The following ARB2A variants were observed in gnomAD, a reference collection of about 807,000 sequenced individuals.
ARB2A encodes cotranscriptional regulator ARB2A.
chr5:93,948,230 T>C, the ARB2A span, among the ~76,000 whole-genome samples: 1 of 152,342 alleles, frequency 6.6e-6, no homozygotes, highest in African/African-American at 2.4e-5. Flanking sequence ...TGGTATCTCA[T>C]TGTGGTTTTG....
chr5:93,750,872 AAGG>A, the ARB2A span, among the ~76,000 whole-genome samples: 9 of 152,252 alleles, frequency 5.9e-5, no homozygotes, highest in Admixed American at 1.3e-4. Flanking sequence ...GGAAACTGAG[AAGG>A]AGAAGTTTAG....
chr5:94,024,050 A>G, the ARB2A span, among the ~76,000 whole-genome samples: 4 of 152,184 alleles, frequency 2.6e-5, no homozygotes, highest in African/African-American at 9.7e-5. Context: ...AAGACTTGTG[A>G]GGTCTTATGG....
chr5:93,618,642 A>G, the ARB2A span: 1 of 152,184 alleles, frequency 6.6e-6, no homozygotes, highest in South Asian at 2.1e-4. Flanking sequence ...AAAGAATCTG[A>G]TCACTTATCA....
At chr5:93,780,012 G>A in the ARB2A span, among the ~76,000 whole-genome samples, 2 of 152,174 alleles carry the variant, frequency 1.3e-5, no homozygotes, top group Admixed American at 6.5e-5. Flanking sequence ...TATATTTAAA[G>A]AGAAAAGCAG....
the ARB2A span, among the ~76,000 whole-genome samples, chr5:93,622,250 T>C: frequency 6.6e-6 from 1 of 152,204 alleles, no homozygotes; most frequent in African/African-American, 2.4e-5. Context: ...AGTTGAAATC[T>C]CTTCCTAGAT....
the ARB2A span, among the ~76,000 whole-genome samples, chr5:93,977,099 G>T: frequency 6.6e-6 from 1 of 151,922 alleles, no homozygotes; most frequent in Non-Finnish European, 1.5e-5. Context: ...AAGACTCACA[G>T]ATGACAAAAA....
chr5:93,945,221 T>C, the ARB2A span, among the ~76,000 whole-genome samples: 2 of 152,172 alleles, frequency 1.3e-5, no homozygotes, highest in Non-Finnish European at 1.5e-5. Flanking sequence ...GGTGGGAGGA[T>C]CACCTGAGGT....
At chr5:93,660,901 C>T in the ARB2A span, among the ~76,000 whole-genome samples, 1 of 152,126 alleles carries the variant, frequency 6.6e-6, no homozygotes, top group East Asian at 1.9e-4. Flanking sequence ...AGAGTCTGCC[C>T]TGTCTGAGGG....
chr5:94,095,906 G>T, the ARB2A span, among the ~76,000 whole-genome samples: 2 of 151,462 alleles, frequency 1.3e-5, no homozygotes, highest in East Asian at 3.9e-4. Flanking sequence ...TATCTCTCCC[G>T]CTCTCCATCT....
At chr5:94,006,974 G>C in the ARB2A span, among the ~76,000 whole-genome samples, 1 of 152,124 alleles carries the variant, frequency 6.6e-6, no homozygotes, top group Non-Finnish European at 1.5e-5. Flanking sequence ...TTCTAAATCT[G>C]ATGTCACAAA....
chr5:93,665,664 C>T, the ARB2A span, among the ~76,000 whole-genome samples: 6 of 152,156 alleles, frequency 3.9e-5, no homozygotes, highest in East Asian at 1.9e-4. Flanking sequence ...ATGCATTTTC[C>T]GTGTTAGAGT....
the ARB2A span, chr5:94,111,541 G>A: frequency 2.6e-5 from 4 of 152,432 alleles, no homozygotes; most frequent in East Asian, 7.7e-4. Context: ...CAGGGCTGAG[G>A]GGGCAGGCGG....
chr5:93,904,200 T>C, the ARB2A span, among the ~76,000 whole-genome samples: 3 of 151,954 alleles, frequency 2.0e-5, no homozygotes, highest in African/African-American at 7.2e-5. Flanking sequence ...AGTTGAATTG[T>C]TTATTCCTTC....
the ARB2A span, among the ~76,000 whole-genome samples, chr5:94,077,500 T>C: frequency 6.6e-6 from 1 of 152,204 alleles, no homozygotes; most frequent in Non-Finnish European, 1.5e-5. Context: ...ATTTTTACCC[T>C]CCTGAGTTAT....
chr5:93,784,431 A>G, the ARB2A span: 129 of 1,613,388 alleles, frequency 8.0e-5, no homozygotes, highest in Non-Finnish European at 1.1e-4. Context: ...GATGCCACAC[A>G]TTGTGAACAG....
At chr5:93,972,919 A>G in the ARB2A span, among the ~76,000 whole-genome samples, 1 of 151,842 alleles carries the variant, frequency 6.6e-6, no homozygotes, top group Non-Finnish European at 1.5e-5. Flanking sequence ...CTTAAAAAAA[A>G]AAAAAAAAGA....
At chr5:93,975,033 A>C in the ARB2A span, among the ~76,000 whole-genome samples, 122 of 152,218 alleles carry the variant, frequency 8.0e-4, no homozygotes, top group African/African-American at 2.4e-3. Flanking sequence ...GAAAAATCTT[A>C]GCTGGGCGCG....
the ARB2A span, among the ~76,000 whole-genome samples, chr5:93,852,438 T>C: frequency 6.6e-6 from 1 of 152,238 alleles, no homozygotes; most frequent in Non-Finnish European, 1.5e-5. Context: ...TCCTTTGCTA[T>C]GCAGAAGCTC....
At chr5:94,024,097 A>G in the ARB2A span, among the ~76,000 whole-genome samples, 2 of 152,314 alleles carry the variant, frequency 1.3e-5, no homozygotes, top group African/African-American at 4.8e-5. Flanking sequence ...TATGATCATT[A>G]TATGTGATGG....
Sources: gnomAD v4.1 joint callset for allele counts (sites outside exome capture counted in the v4.1 genomes callset) on GRCh38, gnomAD v4.1.1 for gene constraint, MANE v1.5 for transcripts, NCBI Gene and HGNC (gene_info 2026-07-23, HGNC 2026-07-21) for gene names.